The following DIS3L2 variants were observed in gnomAD, a reference collection of about 807,000 sequenced individuals.
The protein encoded by DIS3L2 is DIS3-like exonuclease 2.
Under a neutral mutation model 97.5 loss-of-function variants are expected in DIS3L2, and 34 were observed. That is an observed-to-expected ratio of 0.35 (90% confidence interval 0.27 to 0.46). The LOEUF is 0.46. Ranked by LOEUF, DIS3L2 falls within the 20% of genes least tolerant of loss-of-function variation. The probability of loss-of-function intolerance (pLI) is 1.00; values close to 1 mark genes in which losing one functional copy is unlikely to be tolerated. For synonymous variants in DIS3L2, 435 were observed against 445.2 expected (o/e 0.98, Z 0.29); for missense variants, 1,038 against 1,146.0 (o/e 0.91, Z 1.36).
intron 9 of DIS3L2, among the ~76,000 whole-genome samples, chr2:232,170,657 T>C (rs560622736): frequency 6.6e-6 from 1 of 152,184 alleles, no homozygotes. Flanking sequence ...ATTTTATTAT[T>C]ATAAACAGGA....
intron 1 of DIS3L2, among the ~76,000 whole-genome samples, chr2:232,012,842 CTCTGTA>C (rs1255438139): frequency 6.6e-6 from 1 of 152,178 alleles, no homozygotes; most frequent in Non-Finnish European, 1.5e-5. Context: ...CTATGCCCTC[CTCTGTA>C]TCTGCGTACC....
chr2:232,335,958 T>A (rs1221807389), intron 20 of DIS3L2, 84 bp downstream of exon 20: 1 of 1,543,010 alleles, frequency 6.5e-7, no homozygotes, highest in Non-Finnish European at 8.7e-7. Context: ...CCTTCATCTG[T>A]GTCCCCTGGG....
intron 9 of DIS3L2, among the ~76,000 whole-genome samples, chr2:232,181,648 T>C (rs916890573): frequency 6.6e-6 from 1 of 152,086 alleles, no homozygotes; most frequent in African/African-American, 2.4e-5. Flanking sequence ...TTTAATTTTT[T>C]AATTTTTTGA....
chr2:232,130,875 T>A, intron 7 of DIS3L2, 156 bp downstream of exon 7: 5 of 1,110,764 alleles, frequency 4.5e-6, no homozygotes, highest in Non-Finnish European at 6.0e-6. Flanking sequence ...AAAAAAACTT[T>A]AAACATATAA....
At chr2:232,304,277 A>G (rs1221232541) in intron 14 of DIS3L2, among the ~76,000 whole-genome samples, 1 of 152,076 alleles carries the variant, frequency 6.6e-6, no homozygotes, top group Non-Finnish European at 1.5e-5. Flanking sequence ...ATCTCTGGAT[A>G]TAGGGCAAGG....
intron 11 of DIS3L2, among the ~76,000 whole-genome samples, chr2:232,247,459 A>G (rs1348891309): frequency 2.0e-5 from 3 of 152,030 alleles, no homozygotes; most frequent in Non-Finnish European, 4.4e-5. Flanking sequence ...CTACTCATGC[A>G]GAGAGAGACT....
chr2:231,967,619 A>G (rs904755892), intron 1 of DIS3L2, among the ~76,000 whole-genome samples: 1 of 152,170 alleles, frequency 6.6e-6, no homozygotes, highest in African/African-American at 2.4e-5. Context: ...AGAAATTTAC[A>G]TGTTTCTTTT....
At chr2:232,066,813 T>C (rs1485440397) in intron 5 of DIS3L2, among the ~76,000 whole-genome samples, 1 of 152,068 alleles carries the variant, frequency 6.6e-6, no homozygotes, top group African/African-American at 2.4e-5. Context: ...TGATAACAGA[T>C]ACTAAAGGCT....
In DIS3L2 at chr2:232,037,907, G is replaced by A. The variant is rs1317888871; in HGVS notation, c.366+7827G>A. ...CCAGTGAGATGAACCAGGTACCTCAGTTGGAAATGCAGAAATCACCAGCCT... is the reference window on the plus strand; with the variant it reads ...CCAGTGAGATGAACCAGGTACCTCAATTGGAAATGCAGAAATCACCAGCCT... On this transcript the variant is annotated intron_variant, in intron 5 of 20. Transcript: ENST00000325385. The surrounding 1 kb of genome is among the most constrained non-coding windows in gnomAD (Gnocchi z 4.6). 1.3e-5 allele frequency among the ~76,000 whole-genome samples: 2 copies of A among 152,246 alleles called. No individual in the cohort carries two copies. Among genetic ancestry groups the A allele is most frequent in the Non-Finnish European group, 2.9e-5 (2 of 68,044 alleles).
chr2:232,162,494 C>T lies in DIS3L2; in HGVS notation c.951-965C>T, dbSNP rs186973917. 2.6e-5 allele frequency among the ~76,000 whole-genome samples: 4 copies of T among 152,344 alleles called. No individual in the cohort carries two copies. The East Asian group carries it at 7.7e-4, about 29-fold the overall frequency. On this transcript the variant is annotated intron_variant, in intron 8 of 20. Transcript: ENST00000325385. ...ACCACTGTGCACATAAGAACTCCAG[C>T]AGCCAAGCATCTACCCTTATTTAGG...
chr2:232,220,697 A>G (rs1439005560), intron 10 of DIS3L2, among the ~76,000 whole-genome samples: 3 of 152,142 alleles, frequency 2.0e-5, no homozygotes, highest in Non-Finnish European at 4.4e-5. Flanking sequence ...ACAAAGCGAG[A>G]CTCCATCTAA....
At chr2:232,312,583 A>G (rs909649382) in intron 14 of DIS3L2, among the ~76,000 whole-genome samples, 1 of 152,244 alleles carries the variant, frequency 6.6e-6, no homozygotes, top group Non-Finnish European at 1.5e-5. Context: ...TTCTTGGCCC[A>G]TTCCATTTCC....
At chr2:232,158,377 G>C (rs1690559939) in intron 8 of DIS3L2, among the ~76,000 whole-genome samples, 1 of 151,934 alleles carries the variant, frequency 6.6e-6, no homozygotes, top group African/African-American at 2.4e-5. Flanking sequence ...TCTGTCTGAT[G>C]AGTGTCCTAC....
At chr2:232,125,401 C>T (rs1245154905) in intron 6 of DIS3L2, among the ~76,000 whole-genome samples, 2 of 152,202 alleles carry the variant, frequency 1.3e-5, no homozygotes, top group East Asian at 3.9e-4. Context: ...TATCTTGATA[C>T]AGGTTTTCAT....
Position 232,188,657 on chromosome 2 carries a change from T to C in DIS3L2, c.1125-21669T>C, listed in dbSNP as rs80250046. Among the ~76,000 whole-genome samples, 616 of 152,314 alleles carry C rather than the reference T, an allele frequency of 4.0e-3. 4 individuals carry two copies. Among genetic ancestry groups the C allele is most frequent in the African/African-American group, 0.014 (579 of 41,562 alleles). ...TGAGCATAGAAGAGTACTTACAGGATGTAGGACTAGAGAAAGAGTTCTTAG... is the reference window on the plus strand; with the variant it reads ...TGAGCATAGAAGAGTACTTACAGGACGTAGGACTAGAGAAAGAGTTCTTAG... On this transcript the variant is annotated intron_variant, in intron 9 of 20. Coordinates refer to ENST00000325385, the MANE Select transcript of DIS3L2 (RefSeq NM_152383.5).
intron 8 of DIS3L2, 145 bp from the exon 9 acceptor site, chr2:232,163,314 C>A: frequency 1.4e-6 from 1 of 722,804 alleles, no homozygotes; most frequent in Non-Finnish European, 2.2e-6. Context: ...TTCCCATTGC[C>A]AGTGATTTAC....
intron 1 of DIS3L2, among the ~76,000 whole-genome samples, chr2:231,989,012 C>T (rs952165646): frequency 6.6e-6 from 1 of 152,090 alleles, no homozygotes; most frequent in African/African-American, 2.4e-5. Flanking sequence ...GTAAAATTGG[C>T]CACGTGGATG....
At chr2:232,210,294 G>A (rs1692150603) in intron 9 of DIS3L2, 32 bp from the exon 10 acceptor site, 3 of 1,560,684 alleles carry the variant, frequency 1.9e-6, no homozygotes, top group Non-Finnish European at 2.7e-6. Context: ...ATTATTTGTG[G>A]CATTGCTAAT....
chr2:232,254,623 T>A (rs1346062311), intron 12 of DIS3L2, among the ~76,000 whole-genome samples: 2 of 152,226 alleles, frequency 1.3e-5, no homozygotes, highest in Non-Finnish European at 2.9e-5. Flanking sequence ...GTCTGAATTT[T>A]GCCTGCCAAA....
Sources: allele counts gnomAD v4.1 joint callset (sites outside exome capture counted in the v4.1 genomes callset), GRCh38; gene constraint gnomAD v4.1.1; non-coding constraint Gnocchi (gnomAD v3.1); transcripts MANE v1.5; gene names NCBI Gene and HGNC (gene_info 2026-07-23, HGNC 2026-07-21).